KCNJ5: variants seen among roughly 807,000 people sequenced by gnomAD.
The protein encoded by KCNJ5 is potassium inwardly rectifying channel subfamily J member 5, also known as G protein-activated inward rectifier potassium channel 4.
Under a neutral mutation model 20.2 loss-of-function variants are expected in KCNJ5, and 12 were observed. The ratio of observed to expected loss-of-function variants is 0.59; its 90% confidence interval spans 0.38 to 0.96. The LOEUF is 0.96. Among genes scored for constraint, KCNJ5 ranks in the 40% least tolerant of loss-of-function variants. The pLI is 0.00. For missense variants in KCNJ5, 449 were observed against 557.6 expected, an observed-to-expected ratio of 0.81 and a Z score of 1.96; for synonymous variants, 210 against 213.9, an observed-to-expected ratio of 0.98 and a Z score of 0.16.
chr11:128,904,762 A>ACTG (rs1944367550), intron 1 of KCNJ5, among the ~76,000 whole-genome samples: 2 of 138,694 alleles, frequency 1.4e-5, no homozygotes, highest in Admixed American at 7.0e-5. Flanking sequence ...TTCGCTGACT[A>ACTG]ATTGACTGAG....
intron 1 of KCNJ5, among the ~76,000 whole-genome samples, chr11:128,899,401 C>T (rs1005909787): frequency 1.3e-5 from 2 of 152,202 alleles, no homozygotes; most frequent in Non-Finnish European, 2.9e-5. Flanking sequence ...TACCATCCCT[C>T]ACCATCTCAT....
intron 1 of KCNJ5, among the ~76,000 whole-genome samples, chr11:128,893,188 C>A (rs1434482653): frequency 6.6e-6 from 1 of 152,216 alleles, no homozygotes; most frequent in African/African-American, 2.4e-5. Context: ...GTCAGCTTGG[C>A]TGGTATTTTA....
intron 1 of KCNJ5, among the ~76,000 whole-genome samples, chr11:128,893,476 G>C (rs1366252363): frequency 6.6e-6 from 1 of 152,076 alleles, no homozygotes; most frequent in African/African-American, 2.4e-5. Context: ...TAGAAAATTT[G>C]CCTATACATT....
At chr11:128,893,003 T>G (rs748372324) in intron 1 of KCNJ5, among the ~76,000 whole-genome samples, 4 of 152,236 alleles carry the variant, frequency 2.6e-5, no homozygotes, top group Non-Finnish European at 5.9e-5. Context: ...CAAAAGCTAA[T>G]TCTGAAAGCT....
intron 2 of KCNJ5, among the ~76,000 whole-genome samples, chr11:128,914,703 T>C (rs1030158612): frequency 6.6e-6 from 1 of 152,216 alleles, no homozygotes; most frequent in Non-Finnish European, 1.5e-5. Flanking sequence ...AAAGGAGCTG[T>C]GCTGATCACT....
chr11:128,908,230 T>C (rs1019978941), intron 1 of KCNJ5, among the ~76,000 whole-genome samples: 1 of 152,278 alleles, frequency 6.6e-6, no homozygotes, highest in African/African-American at 2.4e-5. Flanking sequence ...GGAGAGATTA[T>C]GAATACGTAT....
chr11:128,902,609 C>T (rs545751134), intron 1 of KCNJ5: 152 of 1,613,374 alleles, frequency 9.4e-5, no homozygotes, highest in Middle Eastern at 1.7e-4. Context: ...GTAGCCCAGG[C>T]GGCCCTCTCT....
intron 1 of KCNJ5, chr11:128,903,620 G>C (rs1207292150): frequency 2.5e-6 from 3 of 1,180,774 alleles, no homozygotes. Context: ...GACCTTCAGA[G>C]AGTGACGGGG....
chr11:128,907,022 G>A (rs945653476), intron 1 of KCNJ5, among the ~76,000 whole-genome samples: 1 of 152,140 alleles, frequency 6.6e-6, no homozygotes, highest in Non-Finnish European at 1.5e-5. Context: ...TGAGGGGACT[G>A]GGGCAGCCTG....
intron 1 of KCNJ5, chr11:128,899,956 T>A (rs1263107736): frequency 6.6e-6 from 1 of 152,004 alleles, no homozygotes; most frequent in Non-Finnish European, 1.5e-5. Context: ...GTTGGGAAAC[T>A]CAGTCACAAG....
In KCNJ5 at chr11:128,902,836, C is replaced by T. The variant is rs144005447; in HGVS notation, c.-10-8428C>T. On this transcript the variant is annotated intron_variant, in intron 1 of 2. Transcript: ENST00000529694. ...TCCATGGGCAGAAAAGGCCTCTCTC[C>T]GACTCCCTAGCCCAGAAATACGAAC... 268 of 1,095,756 alleles carry T rather than the reference C, an allele frequency of 2.4e-4. No homozygotes were observed. In the African/African-American group the frequency reaches 3.7e-3, roughly 15 times the overall value. 67.9% of individuals were successfully genotyped at this position (1,095,756 alleles called of 1,614,324 possible).
chr11:128,906,851 T>G (rs576754453), intron 1 of KCNJ5, among the ~76,000 whole-genome samples: 5 of 152,320 alleles, frequency 3.3e-5, no homozygotes, highest in South Asian at 2.1e-4. Flanking sequence ...GGAGTGAGGA[T>G]TTCCTGGGGT....
At chr11:128,895,081 C>T (rs1221700464) in intron 1 of KCNJ5, among the ~76,000 whole-genome samples, 1 of 119,980 alleles carries the variant, frequency 8.3e-6, no homozygotes, top group Non-Finnish European at 1.7e-5. Flanking sequence ...GTATGGGGGA[C>T]AGGAAAGGGT....
chr11:128,907,386 C>T (rs1383303801), intron 1 of KCNJ5, among the ~76,000 whole-genome samples: 1 of 152,210 alleles, frequency 6.6e-6, no homozygotes, highest in Non-Finnish European at 1.5e-5. Context: ...CCAAGTTTTC[C>T]TCCCTGTGGG....
chr11:128,916,748 A>T lies in KCNJ5; in HGVS notation c.*17A>T. ...TCGGTGTGAGGGGTGCAGCCTCCCT[A>T]AGACCTCCTGTCACTGGCTTCAGTG... On this transcript the variant is annotated 3_prime_UTR_variant, in exon 3 of 3. Transcript: ENST00000529694. 6.4e-7 allele frequency: 1 copy of T among 1,565,672 alleles called. No homozygotes were observed. The highest frequency in any genetic ancestry group is 8.7e-7 in the Non-Finnish European group (1 of 1,151,318).
chr11:128,899,244 C>A lies in KCNJ5; in HGVS notation c.-11+7523C>A, dbSNP rs961272152. 2.0e-5 allele frequency among the ~76,000 whole-genome samples: 3 copies of A among 152,178 alleles called. No homozygotes were observed. In the East Asian group the frequency reaches 5.8e-4, roughly 29 times the overall value. On this transcript the variant is annotated intron_variant, in intron 1 of 2. Transcript: ENST00000529694. Reference sequence around the variant, plus strand: ...TATAAAATGGGGAGAACAGTATCTACCTGGTACCTTTTCTGAAATGATTAA... The same window carrying A: ...TATAAAATGGGGAGAACAGTATCTAACTGGTACCTTTTCTGAAATGATTAA...
chr11:128,911,261 A>G lies in KCNJ5; in HGVS notation c.-10-3A>G, dbSNP rs1017329453. 4 of 1,612,922 alleles carry G rather than the reference A, an allele frequency of 2.5e-6. No homozygotes were observed. In the East Asian group the frequency reaches 6.7e-5, roughly 27 times the overall value. On this transcript the variant is annotated splice_polypyrimidine_tract_variant and splice_region_variant and intron_variant, in intron 1 of 2. Transcript: ENST00000529694. The surrounding 1 kb of genome is among the most constrained non-coding windows in gnomAD (Gnocchi z 6.3). ...TCACTGATGGTGTCTTTTTAACTCA[A>G]AGCATCCCAGCTATGGCTGGCGATT...
At chr11:128,914,254 T>C (rs866603680) in intron 2 of KCNJ5, among the ~76,000 whole-genome samples, 12 of 152,202 alleles carry the variant, frequency 7.9e-5, no homozygotes, top group African/African-American at 2.9e-4. Context: ...CTGACCACTC[T>C]CCAAGGCCAT....
intron 1 of KCNJ5, chr11:128,900,241 C>T (rs1477410403): frequency 6.6e-6 from 1 of 152,162 alleles, no homozygotes; most frequent in Non-Finnish European, 1.5e-5. Context: ...GCCAGATCTG[C>T]CTGCGCTCCT....
Sources: gnomAD v4.1 joint callset for allele counts (sites outside exome capture counted in the v4.1 genomes callset) on GRCh38, gnomAD v4.1.1 for gene constraint, Gnocchi (gnomAD v3.1) non-coding constraint, MANE v1.5 for transcripts, NCBI Gene and HGNC (gene_info 2026-07-23, HGNC 2026-07-21) for gene names.